MON2: variants seen among roughly 807,000 people sequenced by gnomAD.
The protein encoded by MON2 is MON2 regulator of endosome-to-Golgi trafficking.
In MON2, 84 loss-of-function variants were observed where a neutral mutation model predicts 208.6. That is an observed-to-expected ratio of 0.40 (90% CI 0.34 to 0.48). The LOEUF (loss-of-function observed/expected upper bound fraction) is 0.48. Among genes scored for constraint, MON2 ranks in the 20% least tolerant of loss-of-function variants. MON2 has a pLI of 0.59. For synonymous variants in MON2, 660 were observed against 694.0 expected (o/e 0.95, Z 0.77); for missense variants, 1,611 against 2,015.4 (o/e 0.80, Z 3.84).
At chr12:62,580,630 C>T (rs2074971190) in intron 32 of MON2, among the ~76,000 whole-genome samples, 1 of 152,000 alleles carries the variant, frequency 6.6e-6, no homozygotes, top group African/African-American at 2.4e-5. Context: ...TGTTTCTATT[C>T]TGTGAAATAC....
intron 14 of MON2, 44 bp from the exon 15 acceptor site, chr12:62,537,107 A>G (rs770092861): frequency 1.6e-5 from 19 of 1,193,276 alleles, no homozygotes; most frequent in African/African-American, 3.1e-5. Context: ...TAAATGCAAT[A>G]TAAAAATATA....
At chr12:62,518,989 T>A (rs995625914) in intron 8 of MON2, among the ~76,000 whole-genome samples, 1 of 152,236 alleles carries the variant, frequency 6.6e-6, no homozygotes, top group African/African-American at 2.4e-5. Context: ...CTTATTTCTC[T>A]GTATTTTCTT....
intron 7 of MON2, among the ~76,000 whole-genome samples, chr12:62,505,835 G>A (rs888350233): frequency 1.3e-5 from 2 of 152,100 alleles, no homozygotes; most frequent in Non-Finnish European, 2.9e-5. Flanking sequence ...AGGCTGCAGT[G>A]AGCCATGATC....
chr12:62,569,491 C>A (rs2074505923), intron 29 of MON2, among the ~76,000 whole-genome samples: 1 of 152,168 alleles, frequency 6.6e-6, no homozygotes, highest in South Asian at 2.1e-4. Context: ...CATATCGTTT[C>A]TCTTCATAGC....
chr12:62,535,016 T>C, intron 13 of MON2, 90 bp downstream of exon 13: 1 of 950,760 alleles, frequency 1.1e-6, no homozygotes. Context: ...CTAGAATTAT[T>C]TTCTAATATT....
intron 22 of MON2, among the ~76,000 whole-genome samples, chr12:62,548,677 C>G (rs1241947657): frequency 6.6e-6 from 1 of 152,030 alleles, no homozygotes; most frequent in African/African-American, 2.4e-5. Flanking sequence ...ATGTGGTGTA[C>G]TAAATAGGGC....
intron 10 of MON2, among the ~76,000 whole-genome samples, chr12:62,525,576 TCA>T (rs2072288490): frequency 3.1e-4 from 1 of 3,184 alleles, no homozygotes; most frequent in African/African-American, 5.0e-3. Flanking sequence ...GTTAACATGG[TCA>T]TTGGAGTTTG....
At chr12:62,556,247 G>A in intron 25 of MON2, 55 bp downstream of exon 25, 1 of 1,480,822 alleles carries the variant, frequency 6.8e-7, no homozygotes, top group Non-Finnish European at 9.3e-7. Context: ...AAGAAATTTG[G>A]AAAATACAGA....
chr12:62,491,505 T>C (rs1398792066), intron 2 of MON2, among the ~76,000 whole-genome samples: 1 of 152,206 alleles, frequency 6.6e-6, no homozygotes, highest in African/African-American at 2.4e-5. Context: ...CATTTTCCTT[T>C]ATTTGTCTGA....
intron 30 of MON2, among the ~76,000 whole-genome samples, chr12:62,572,446 T>G (rs891051342): frequency 6.6e-6 from 1 of 152,174 alleles, no homozygotes; most frequent in Non-Finnish European, 1.5e-5. Context: ...TTGTGTTACA[T>G]TGGTGAAATT....
chr12:62,485,918 G>C (rs990577545), intron 2 of MON2, among the ~76,000 whole-genome samples: 1 of 152,082 alleles, frequency 6.6e-6, no homozygotes, highest in Non-Finnish European at 1.5e-5. Context: ...TGGCTAGGCT[G>C]GTCTCGAACT....
chr12:62,468,385 A>T (rs950857540), intron 1 of MON2, among the ~76,000 whole-genome samples: 1 of 152,044 alleles, frequency 6.6e-6, no homozygotes, highest in Non-Finnish European at 1.5e-5. Flanking sequence ...CTGCAATTTC[A>T]TTTACTCTTT....
chr12:62,586,795 A>G (rs1372870677), intron 33 of MON2, among the ~76,000 whole-genome samples: 1 of 152,126 alleles, frequency 6.6e-6, no homozygotes, highest in Non-Finnish European at 1.5e-5. Flanking sequence ...ATATTATAAA[A>G]TATTTTTTGA....
chr12:62,582,291 AG>A (rs2075032369), intron 32 of MON2, among the ~76,000 whole-genome samples: 1 of 152,218 alleles, frequency 6.6e-6, no homozygotes, highest in South Asian at 2.1e-4. Context: ...AAATTTACCA[AG>A]ACAAGAAAGG....
At chr12:62,474,324 G>A (rs1327374061) in intron 1 of MON2, among the ~76,000 whole-genome samples, 1 of 151,876 alleles carries the variant, frequency 6.6e-6, no homozygotes, top group Non-Finnish European at 1.5e-5. Context: ...CACCATGTTG[G>A]CCAGGCTGGT....
chr12:62,578,579 GT>G, intron 31 of MON2, 74 bp downstream of exon 31: 1 of 901,864 alleles, frequency 1.1e-6, no homozygotes, highest in South Asian at 1.7e-5. Context: ...GAACTATACA[GT>G]TGCTGAAAGA....
At position 62,525,164 on chromosome 12, in the gene MON2, T is replaced by C. The variant is rs754885405; in HGVS notation, c.1190T>C (p.Ile397Thr). 5 of 1,613,056 alleles carry C rather than the reference T, an allele frequency of 3.1e-6. No homozygotes were observed. In the South Asian group the frequency reaches 4.4e-5, roughly 14 times the overall value. The part of the protein sequence containing the change: ...RDIVNALGSF[I>T]QSLFLVPPTG... ...ATTGTAAATGCACTGGGATCTTTTA[T>C]ACAGTCCTTGTTTCTTGTCCCCCCT... The change falls in exon 10 of 35, where the codon ATA becomes ACA. Residue 397 changes from isoleucine to threonine, a missense_variant. Ile to Thr is a moderately conservative substitution (Grantham distance 89). Transcript: ENST00000393630.
At position 62,512,782 on chromosome 12, in the gene MON2, C is replaced by T. The variant is rs147838445; in HGVS notation, c.984+4302C>T. Among the ~76,000 whole-genome samples the T allele has an allele frequency of 3.1e-3, 477 of 152,324 alleles. 5 individuals carry two copies. Among genetic ancestry groups the T allele is most frequent in the African/African-American group, 0.011 (440 of 41,570 alleles). On this transcript the variant is annotated intron_variant, in intron 8 of 34. Coordinates refer to ENST00000393630, the MANE Select transcript of MON2 (RefSeq NM_015026.3). ...TCTGTATTGCCCTAGCAGAGGTTCT[C>T]CATGAAGACCCTGCTCCTACAGCAA... is the stretch of plus-strand genomic sequence containing the variant.
chr12:62,566,052 T>C (rs1302086034), intron 28 of MON2, 21 bp downstream of exon 28: 2 of 1,606,348 alleles, frequency 1.2e-6, no homozygotes, highest in Non-Finnish European at 1.7e-6. Context: ...TTTCCTAAAA[T>C]TGTCCTAACC....
Sources: gnomAD v4.1 joint callset for allele counts (sites outside exome capture counted in the v4.1 genomes callset) on GRCh38, gnomAD v4.1.1 for gene constraint, MANE v1.5 for transcripts, NCBI Gene and HGNC (gene_info 2026-07-23, HGNC 2026-07-21) for gene names.